FNDC3A: variants seen among roughly 807,000 people sequenced by gnomAD.
FNDC3A encodes fibronectin type III domain containing 3A, also known as fibronectin type-III domain-containing protein 3A.
In FNDC3A, 32 loss-of-function variants were observed where a neutral mutation model predicts 148.9. That is an observed-to-expected ratio of 0.21 (90% CI 0.16 to 0.29). The LOEUF is 0.29. FNDC3A is among the 10% of genes least tolerant of loss of function. The pLI is 1.00. For missense variants in FNDC3A, 1,191 were observed against 1,452.8 expected (o/e 0.82, Z 2.93); for synonymous variants, 472 against 473.6 (o/e 1.00, Z 0.04).
At chr13:49,192,475 T>G (rs1885934725) in intron 19 of FNDC3A, among the ~76,000 whole-genome samples, 2 of 152,062 alleles carry the variant, frequency 1.3e-5, no homozygotes, top group Non-Finnish European at 2.9e-5. Flanking sequence ...TTTCATATTT[T>G]TAGTAGAGAG....
intron 9 of FNDC3A, among the ~76,000 whole-genome samples, chr13:49,167,709 C>CAA (rs564784760): frequency 5.0e-5 from 6 of 120,556 alleles, no homozygotes; most frequent in African/African-American, 1.8e-4. Context: ...TTGTCTCAAA[C>CAA]AAAAAAAAAA....
intron 8 of FNDC3A, among the ~76,000 whole-genome samples, chr13:49,152,578 G>A (rs1883375293): frequency 6.6e-6 from 1 of 151,882 alleles, no homozygotes; most frequent in African/African-American, 2.4e-5. Flanking sequence ...AGTTACATAT[G>A]TATACATGTG....
At chr13:49,188,442 C>T (rs1885702345) in intron 16 of FNDC3A, 73 bp from the exon 17 acceptor site, 1 of 821,874 alleles carries the variant, frequency 1.2e-6, no homozygotes, top group Non-Finnish European at 2.0e-6. Context: ...AGCTAGGATA[C>T]CTGATGTGTC....
chr13:49,005,539 A>C (rs1240398725), intron 1 of FNDC3A, among the ~76,000 whole-genome samples: 1 of 151,944 alleles, frequency 6.6e-6, no homozygotes, highest in Non-Finnish European at 1.5e-5. Flanking sequence ...AATAGGTATC[A>C]CTTAGAAAAG....
At chr13:49,005,249 CTT>C (rs1475601126) in intron 1 of FNDC3A, among the ~76,000 whole-genome samples, 1 of 151,836 alleles carries the variant, frequency 6.6e-6, no homozygotes, top group African/African-American at 2.4e-5. Context: ...AATTTAATCT[CTT>C]ATAAAAGTTA....
At chr13:48,982,442 G>C (rs1951710311) in intron 1 of FNDC3A, among the ~76,000 whole-genome samples, 1 of 152,048 alleles carries the variant, frequency 6.6e-6, no homozygotes, top group African/African-American at 2.4e-5. Flanking sequence ...TGATGCTTCA[G>C]ATTGGTATTC....
intron 8 of FNDC3A, among the ~76,000 whole-genome samples, chr13:49,148,478 C>G (rs1189597912): frequency 6.6e-6 from 1 of 152,098 alleles, no homozygotes; most frequent in Non-Finnish European, 1.5e-5. Flanking sequence ...TATCCTTTCC[C>G]CAGTGTATGT....
At chr13:49,163,235 G>T (rs1056163904) in intron 8 of FNDC3A, among the ~76,000 whole-genome samples, 15 of 152,238 alleles carry the variant, frequency 9.9e-5, no homozygotes, top group Admixed American at 9.2e-4. Flanking sequence ...CTTGCCTCCA[G>T]AGGTGGAGTC....
chr13:49,157,059 C>T (rs1334525992), intron 8 of FNDC3A, among the ~76,000 whole-genome samples: 11 of 42,142 alleles, frequency 2.6e-4, no homozygotes, highest in African/African-American at 9.6e-4. Flanking sequence ...TGAATCTGAA[C>T]GTTGGCCTGC....
chr13:49,117,527 T>C (rs1360973708), intron 4 of FNDC3A, among the ~76,000 whole-genome samples: 1 of 152,160 alleles, frequency 6.6e-6, no homozygotes, highest in Non-Finnish European at 1.5e-5. Context: ...TCACCTAATA[T>C]AATTATGTAC....
chr13:49,115,151 A>G (rs572052183), intron 4 of FNDC3A, among the ~76,000 whole-genome samples: 1 of 145,484 alleles, frequency 6.9e-6, no homozygotes, highest in African/African-American at 2.5e-5. Context: ...TATTGTGTTC[A>G]ATAGAAAAGA....
intron 2 of FNDC3A, among the ~76,000 whole-genome samples, chr13:49,043,431 A>G (rs1875107615): frequency 6.6e-6 from 1 of 152,192 alleles, no homozygotes; most frequent in African/African-American, 2.4e-5. Context: ...GCTTAAAATG[A>G]AAGTATAGAT....
intron 19 of FNDC3A, among the ~76,000 whole-genome samples, chr13:49,194,285 A>T (rs1368692489): frequency 6.6e-6 from 1 of 152,232 alleles, no homozygotes. Context: ...TTGGAATTTT[A>T]AAATTGATTG....
At chr13:49,136,887 CT>C (rs919360691) in intron 6 of FNDC3A, among the ~76,000 whole-genome samples, 83 of 147,948 alleles carry the variant, frequency 5.6e-4, no homozygotes, top group African/African-American at 1.4e-3. Flanking sequence ...TTAATCAAAA[CT>C]TTTTTTTTTT....
At chr13:49,031,532 G>C (rs1311905621) in intron 2 of FNDC3A, among the ~76,000 whole-genome samples, 1 of 152,100 alleles carries the variant, frequency 6.6e-6, no homozygotes, top group Non-Finnish European at 1.5e-5. Context: ...ATTCTGCTGG[G>C]AAAGAATGGT....
intron 21 of FNDC3A, 25 bp downstream of exon 21, chr13:49,197,899 C>T: frequency 6.3e-7 from 1 of 1,591,488 alleles, no homozygotes; most frequent in Non-Finnish European, 8.5e-7. Flanking sequence ...TACCTTGTCA[C>T]TTAACTCTAT....
In FNDC3A at chr13:49,045,046, T is replaced by C. The variant is rs1461640562; in HGVS notation, c.100-30243T>C. The C allele has an allele frequency of 7.5e-4, 41 of 54,792 alleles. 2 individuals are homozygous for C. The highest frequency in any genetic ancestry group is 5.1e-3 in the South Asian group (37 of 7,272). 3.4% of individuals were successfully genotyped at this position (54,792 alleles called of 1,614,324 possible). ...TCTCCTTTCCCTTTCCTTTCCCTTTTCCTTTCCCTTTCCCTTTTCCTTTCC... is the reference window on the plus strand; with the variant it reads ...TCTCCTTTCCCTTTCCTTTCCCTTTCCCTTTCCCTTTCCCTTTTCCTTTCC... On this transcript the variant is annotated intron_variant, in intron 2 of 25. Transcript: ENST00000492622.
chr13:49,002,110 C>T (rs1269757543), intron 1 of FNDC3A, among the ~76,000 whole-genome samples: 1 of 152,152 alleles, frequency 6.6e-6, no homozygotes, highest in Non-Finnish European at 1.5e-5. Context: ...TAGAAAAGAA[C>T]CTACGTGACT....
chr13:49,000,656 C>T (rs1952107932), intron 1 of FNDC3A, among the ~76,000 whole-genome samples: 1 of 152,246 alleles, frequency 6.6e-6, no homozygotes, highest in East Asian at 1.9e-4. Context: ...CTGCAGATTG[C>T]TTTGGATAGT....
Sources: allele counts gnomAD v4.1 joint callset (sites outside exome capture counted in the v4.1 genomes callset), GRCh38; gene constraint gnomAD v4.1.1; transcripts MANE v1.5; gene names NCBI Gene and HGNC (gene_info 2026-07-23, HGNC 2026-07-21).